RBFOX1: variants seen among roughly 807,000 people sequenced by gnomAD.
RBFOX1 encodes the protein RNA binding protein fox-1 homolog 1.
A neutral mutation model predicts 57.7 loss-of-function variants in RBFOX1; 8 were observed. The observed-to-expected ratio is 0.14, with a 90% CI of 0.08 to 0.25. The LOEUF is 0.25. Among genes scored for constraint, RBFOX1 ranks in the 10% least tolerant of loss-of-function variants. The pLI is 1.00. For missense variants in RBFOX1, 611 were observed against 548.5 expected (o/e 1.11, Z -1.14); for synonymous variants, 326 against 222.4 (o/e 1.47, Z -4.15).
intron 4 of RBFOX1, among the ~76,000 whole-genome samples, chr16:7,118,962 C>G (rs1026807841): frequency 3.3e-5 from 5 of 152,052 alleles, no homozygotes; most frequent in South Asian, 2.1e-4. Context: ...AGTTTGGTAG[C>G]AAATACATAT....
At chr16:6,134,567 G>T (rs1567533623) in intron 1 of RBFOX1, among the ~76,000 whole-genome samples, 1 of 152,158 alleles carries the variant, frequency 6.6e-6, no homozygotes, top group Non-Finnish European at 1.5e-5. Context: ...CATGACATTA[G>T]TTCTGCCCTA....
At chr16:7,698,200 G>GTT (rs1354359649) in intron 14 of RBFOX1, among the ~76,000 whole-genome samples, 3 of 145,434 alleles carry the variant, frequency 2.1e-5, no homozygotes, top group African/African-American at 7.6e-5. Flanking sequence ...GTGTGTGTGT[G>GTT]TGTGTGTGTG....
intron 4 of RBFOX1, among the ~76,000 whole-genome samples, chr16:7,392,964 C>G (rs1265434706): frequency 3.9e-5 from 6 of 152,116 alleles, no homozygotes; most frequent in Non-Finnish European, 8.8e-5. Context: ...ACCTCCGCCT[C>G]CCAGGTTCCA....
In RBFOX1 at chr16:7,286,754, G is replaced by T. The variant is rs534332952; in HGVS notation, c.28-231393G>T. Among the ~76,000 whole-genome samples, 23 of 151,440 alleles carry T rather than the reference G, an allele frequency of 1.5e-4. No homozygotes were observed. In the South Asian group the frequency reaches 4.4e-3, roughly 29 times the overall value. ...TTCTCCCGCCTCAGCCTCCCGAGTAGCTGGGACTACAGGTCCCTGCCACCA... is the reference window on the plus strand; with the variant it reads ...TTCTCCCGCCTCAGCCTCCCGAGTATCTGGGACTACAGGTCCCTGCCACCA... On this transcript the variant is annotated intron_variant, in intron 4 of 15. Coordinates refer to ENST00000550418, the MANE Select transcript of RBFOX1 (RefSeq NM_018723.4).
intron 2 of RBFOX1, among the ~76,000 whole-genome samples, chr16:6,346,828 T>C (rs1567985326): frequency 6.6e-6 from 1 of 152,142 alleles, no homozygotes; most frequent in South Asian, 2.1e-4. Flanking sequence ...ATCTCTCATA[T>C]ATTACCAGAA....
chr16:7,012,127 A>G (rs1259796869), intron 3 of RBFOX1, among the ~76,000 whole-genome samples: 1 of 152,202 alleles, frequency 6.6e-6, no homozygotes, highest in African/African-American at 2.4e-5. Flanking sequence ...TCCAGCAAAG[A>G]TCTAGAATAA....
chr16:7,311,512 C>G (rs1279083160), intron 4 of RBFOX1, among the ~76,000 whole-genome samples: 1 of 106,866 alleles, frequency 9.4e-6, no homozygotes, highest in African/African-American at 3.5e-5. Context: ...TCGATGTTTG[C>G]TCAGGATTCG....
chr16:7,501,004 G>A (rs2070630659), intron 4 of RBFOX1, among the ~76,000 whole-genome samples: 1 of 152,156 alleles, frequency 6.6e-6, no homozygotes, highest in Non-Finnish European at 1.5e-5. Context: ...TGTGAAGAAG[G>A]ACATATTTGC....
intron 1 of RBFOX1, among the ~76,000 whole-genome samples, chr16:6,158,679 A>G (rs749764577): frequency 6.6e-6 from 1 of 152,210 alleles, no homozygotes; most frequent in Non-Finnish European, 1.5e-5. Flanking sequence ...ACAAAAGTCC[A>G]TGTCTTGGAG....
chr16:5,729,532 G>C (rs1209212230), intron 3 of RBFOX1, among the ~76,000 whole-genome samples: 2 of 151,682 alleles, frequency 1.3e-5, no homozygotes, highest in African/African-American at 4.8e-5. Flanking sequence ...TAGGCATGTG[G>C]GAACTAAGAC....
chr16:5,717,876 A>C (rs773593841), intron 3 of RBFOX1, among the ~76,000 whole-genome samples: 13 of 152,206 alleles, frequency 8.5e-5, no homozygotes, highest in Non-Finnish European at 1.9e-4. Context: ...ACAGATGAGA[A>C]ATTGCAGGTC....
intron 3 of RBFOX1, among the ~76,000 whole-genome samples, chr16:5,856,195 A>ATATATATATATATACATATATATG (rs2057035426): frequency 3.3e-5 from 2 of 60,248 alleles, no homozygotes; most frequent in African/African-American, 1.1e-4. Context: ...CTCTATATAT[A>ATATATATATATATACATATATATG]TATATATATA....
chr16:7,304,224 G>C (rs1450396820), intron 4 of RBFOX1: 18 of 965,950 alleles, frequency 1.9e-5, no homozygotes, highest in Middle Eastern at 1.1e-3. Flanking sequence ...CAGAGAGAGA[G>C]AGAGAGAGAG....
At chr16:6,973,999 C>T (rs931232584) in intron 3 of RBFOX1, among the ~76,000 whole-genome samples, 3 of 152,126 alleles carry the variant, frequency 2.0e-5, no homozygotes, top group African/African-American at 7.2e-5. Flanking sequence ...CATTGTTCAG[C>T]TCTCACTTTT....
intron 4 of RBFOX1, among the ~76,000 whole-genome samples, chr16:7,210,182 C>G (rs2090844156): frequency 6.6e-6 from 1 of 152,240 alleles, no homozygotes; most frequent in Non-Finnish European, 1.5e-5. Flanking sequence ...CAGTCAAGAT[C>G]CCACACAAGA....
At chr16:7,559,555 C>A (rs752079840) in intron 5 of RBFOX1, among the ~76,000 whole-genome samples, 1 of 152,120 alleles carries the variant, frequency 6.6e-6, no homozygotes, top group African/African-American at 2.4e-5. Flanking sequence ...TAAGAGCAGC[C>A]CAAGAATTGT....
chr16:7,501,272 T>G (rs2070757143), intron 4 of RBFOX1, among the ~76,000 whole-genome samples: 1 of 152,248 alleles, frequency 6.6e-6, no homozygotes, highest in African/African-American at 2.4e-5. Context: ...TTACTTCCAT[T>G]GAGAAGGTAA....
At chr16:7,697,754 G>A (rs1251908546) in intron 14 of RBFOX1, among the ~76,000 whole-genome samples, 1 of 152,052 alleles carries the variant, frequency 6.6e-6, no homozygotes, top group African/African-American at 2.4e-5. Context: ...TGGAACTTTG[G>A]CCTTCTCACT....
chr16:7,662,573 A>G (rs561439431), intron 12 of RBFOX1, among the ~76,000 whole-genome samples: 1 of 152,328 alleles, frequency 6.6e-6, no homozygotes, highest in East Asian at 1.9e-4. Flanking sequence ...AATGTTAGTT[A>G]AGCCACAGGG....
Sources: gnomAD v4.1 joint callset for allele counts (sites outside exome capture counted in the v4.1 genomes callset) on GRCh38, gnomAD v4.1.1 for gene constraint, MANE v1.5 for transcripts, NCBI Gene and HGNC (gene_info 2026-07-23, HGNC 2026-07-21) for gene names.